ALPK1: variants seen among roughly 807,000 people sequenced by gnomAD.
ALPK1 encodes alpha-protein kinase 1.
ALPK1 carries 110 observed loss-of-function variants against 120.6 expected under a neutral mutation model. The ratio of observed to expected loss-of-function variants is 0.91; its 90% CI spans 0.78 to 1.07. The LOEUF is 1.07. Among genes scored for constraint, ALPK1 ranks in the 50% least tolerant of loss-of-function variants. The pLI is 0.00. For missense variants in ALPK1, 1,498 were observed against 1,483.9 expected (o/e 1.01, Z -0.16); for synonymous variants, 582 against 560.3 (o/e 1.04, Z -0.55).
intron 4 of ALPK1, among the ~76,000 whole-genome samples, chr4:112,401,911 G>A (rs1732931970): frequency 6.6e-6 from 1 of 152,166 alleles, no homozygotes; most frequent in African/African-American, 2.4e-5. Flanking sequence ...CCAATGAAAT[G>A]TTTACAGGCC....
intron 4 of ALPK1, among the ~76,000 whole-genome samples, chr4:112,404,156 G>C (rs565793376): frequency 2.4e-4 from 36 of 152,308 alleles, no homozygotes; most frequent in African/African-American, 8.7e-4. Context: ...AAAATGAGAG[G>C]TTTAGCCATT....
At chr4:112,404,022 G>T (rs1351830681) in intron 4 of ALPK1, among the ~76,000 whole-genome samples, 7 of 152,336 alleles carry the variant, frequency 4.6e-5, no homozygotes, top group African/African-American at 1.7e-4. Context: ...TGCTTAGAAG[G>T]CCCCCTTTCA....
At chr4:112,357,257 G>T (rs1730676395) in intron 2 of ALPK1, 12 of 1,384,534 alleles carry the variant, frequency 8.7e-6, no homozygotes, top group Non-Finnish European at 1.2e-5. Flanking sequence ...CCAGCATCTG[G>T]CAGGACGTGC....
chr4:112,361,712 G>C (rs572193155), intron 2 of ALPK1, among the ~76,000 whole-genome samples: 5 of 152,242 alleles, frequency 3.3e-5, no homozygotes, highest in African/African-American at 1.2e-4. Flanking sequence ...GGGCAAGCTT[G>C]TATCCTCCCT....
chr4:112,397,046 G>C (rs1033517220), intron 4 of ALPK1, among the ~76,000 whole-genome samples: 1 of 152,138 alleles, frequency 6.6e-6, no homozygotes, highest in Non-Finnish European at 1.5e-5. Flanking sequence ...CAAAGTGCTA[G>C]GATTATAGAT....
chr4:112,320,771 T>G (rs1044951837), intron 2 of ALPK1, among the ~76,000 whole-genome samples: 3 of 152,124 alleles, frequency 2.0e-5, no homozygotes, highest in African/African-American at 7.2e-5. Flanking sequence ...TCTAGGAGGG[T>G]TGCATACTTC....
intron 4 of ALPK1, chr4:112,383,569 G>A (rs1489134922): frequency 6.6e-6 from 1 of 152,188 alleles, no homozygotes; most frequent in Non-Finnish European, 1.5e-5. Flanking sequence ...GCAGACTGGG[G>A]ATTGCAAGCA....
chr4:112,436,657 C>A (rs1372950758), intron 12 of ALPK1, among the ~76,000 whole-genome samples: 1 of 152,226 alleles, frequency 6.6e-6, no homozygotes, highest in Admixed American at 6.5e-5. Context: ...AGCTGGGAGA[C>A]AGCCTGAAAC....
chr4:112,308,926 G>C (rs1728258091), intron 1 of ALPK1, among the ~76,000 whole-genome samples: 1 of 152,060 alleles, frequency 6.6e-6, no homozygotes, highest in South Asian at 2.1e-4. Flanking sequence ...ATGGGGTTTT[G>C]GTGTGGATGT....
chr4:112,338,210 A>G (rs1729708052), intron 2 of ALPK1, among the ~76,000 whole-genome samples: 1 of 152,112 alleles, frequency 6.6e-6, no homozygotes, highest in Non-Finnish European at 1.5e-5. Flanking sequence ...CAGGTGATCC[A>G]CCCACTTTGG....
Position 112,356,212 on chromosome 4 carries a change from C to G in ALPK1, c.-100-21466C>G. 6.3e-6 allele frequency: 10 copies of G among 1,598,208 alleles called. No individual in the cohort carries two copies. In the South Asian group the frequency reaches 1.1e-4, roughly 18 times the overall value. On this transcript the variant is annotated intron_variant, in intron 2 of 15. Transcript: ENST00000650871. The stretch of plus-strand genomic sequence containing the variant: ...ACAAATGCCAACAGGAGTACATGAC[C>G]AAGGTCCTGGAATGTCTGCAGATGA...
chr4:112,352,307 G>A (rs1234076134), intron 2 of ALPK1, among the ~76,000 whole-genome samples: 1 of 152,140 alleles, frequency 6.6e-6, no homozygotes, highest in Non-Finnish European at 1.5e-5. Context: ...TCTCCTCCAT[G>A]TGCTTCCTTT....
intron 4 of ALPK1, among the ~76,000 whole-genome samples, chr4:112,399,283 G>A (rs759741934): frequency 1.4e-4 from 21 of 152,208 alleles, no homozygotes; most frequent in Non-Finnish European, 2.6e-4. Flanking sequence ...AATATGCAAT[G>A]ACAGAAGCCA....
intron 2 of ALPK1, among the ~76,000 whole-genome samples, chr4:112,365,802 A>G (rs1731123245): frequency 6.6e-6 from 1 of 152,370 alleles, no homozygotes; most frequent in Non-Finnish European, 1.5e-5. Context: ...CCTGATTTCA[A>G]ACTATACTAT....
At chr4:112,415,519 C>T (rs1385600903) in intron 5 of ALPK1, among the ~76,000 whole-genome samples, 3 of 151,968 alleles carry the variant, frequency 2.0e-5, no homozygotes, top group African/African-American at 7.3e-5. Flanking sequence ...CGCACGAAAT[C>T]CCAGCTACTT....
At chr4:112,380,332 C>T (rs1008485392) in intron 3 of ALPK1, among the ~76,000 whole-genome samples, 2 of 152,152 alleles carry the variant, frequency 1.3e-5, no homozygotes, top group Non-Finnish European at 2.9e-5. Context: ...GTCCCTAATC[C>T]TGTGGGTCTG....
intron 1 of ALPK1, 57 bp from the exon 2 acceptor site, chr4:112,315,734 AAGAAATAGAG>A (rs993397908): frequency 7.2e-5 from 11 of 152,346 alleles, no homozygotes; most frequent in Admixed American, 5.9e-4. Flanking sequence ...GACATAATGC[AAGAAATAGAG>A]ATTATTCCAT....
intron 2 of ALPK1, among the ~76,000 whole-genome samples, chr4:112,367,012 A>G (rs577889939): frequency 6.6e-6 from 1 of 152,366 alleles, no homozygotes; most frequent in South Asian, 2.1e-4. Context: ...ACACAAAGGC[A>G]TAAGAATGCT....
rs570751056 is a variant in ALPK1, at chr4:112,414,480, C to T, written c.475+2455C>T. On this transcript the variant is annotated intron_variant, in intron 5 of 15. Transcript: ENST00000650871. ...AAAATTAGCCAGGCGTGGTGGCAGC[C>T]GCCTGTAATCCCAGCTACTTAGGAG... 35 of 332,604 alleles carry T rather than the reference C, an allele frequency of 1.1e-4. 1 individual carries two copies. The highest frequency in any genetic ancestry group is 1.2e-3 in the Middle Eastern group (1 of 866). 20.6% of individuals were successfully genotyped at this position (332,604 alleles called of 1,614,324 possible). A position where few individuals can be genotyped will look rare whatever the true frequency, so the allele number is the denominator to read the frequency against.
Sources: allele counts gnomAD v4.1 joint callset (sites outside exome capture counted in the v4.1 genomes callset), GRCh38; gene constraint gnomAD v4.1.1; transcripts MANE v1.5; gene names NCBI Gene and HGNC (gene_info 2026-07-23, HGNC 2026-07-21).